TASP1: variants seen among roughly 807,000 people sequenced by gnomAD.
The protein encoded by TASP1 is threonine aspartase 1.
A neutral mutation model predicts 56.6 loss-of-function variants in TASP1; 16 were observed. The ratio of observed to expected loss-of-function variants is 0.28; its 90% CI spans 0.19 to 0.43. TASP1 has a LOEUF of 0.43. Among genes scored for constraint, TASP1 ranks in the 20% least tolerant of loss-of-function variants. The probability of loss-of-function intolerance (pLI) is 1.00; values close to 1 mark genes in which losing one functional copy is unlikely to be tolerated. For synonymous variants in TASP1, 179 were observed against 184.2 expected (o/e 0.97, Z 0.23); for missense variants, 393 against 511.6 (o/e 0.77, Z 2.24).
chr20:13,178,455 G>A, the TASP1 span, among the ~76,000 whole-genome samples: 1 of 152,178 alleles, frequency 6.6e-6, no homozygotes, highest in South Asian at 2.1e-4. Flanking sequence ...GCACTCCCAT[G>A]TTTATTTCAG....
chr20:13,176,239 C>T, the TASP1 span, among the ~76,000 whole-genome samples: 58 of 152,136 alleles, frequency 3.8e-4, no homozygotes, highest in African/African-American at 1.4e-3. Context: ...CCCTTTATTT[C>T]TTTCTCTGGC....
the TASP1 span, among the ~76,000 whole-genome samples, chr20:13,294,701 T>C: frequency 6.6e-6 from 1 of 152,168 alleles, no homozygotes; most frequent in African/African-American, 2.4e-5. Flanking sequence ...ACTTTCATTC[T>C]CTCAATGACT....
intron 11 of TASP1, among the ~76,000 whole-genome samples, chr20:13,448,971 T>A (rs2043516346): frequency 6.6e-6 from 1 of 152,084 alleles, no homozygotes; most frequent in African/African-American, 2.4e-5. Context: ...ATTGGTATAT[T>A]TTTAGGTCAA....
the TASP1 span, chr20:13,153,871 C>T: frequency 1.7e-6 from 2 of 1,202,516 alleles, no homozygotes; most frequent in East Asian, 2.4e-5. Flanking sequence ...AGATATCTCC[C>T]TTCCCTACTT....
chr20:13,515,321 G>A (rs1441850677), intron 10 of TASP1, among the ~76,000 whole-genome samples: 1 of 151,960 alleles, frequency 6.6e-6, no homozygotes, highest in African/African-American at 2.4e-5. Context: ...AGCTTTAGAT[G>A]CACCAAAACA....
At chr20:13,473,165 G>C (rs901550069) in intron 11 of TASP1, among the ~76,000 whole-genome samples, 3 of 152,196 alleles carry the variant, frequency 2.0e-5, no homozygotes, top group African/African-American at 7.2e-5. Context: ...CCATAAAAAA[G>C]GATGAGTTCA....
At chr20:13,632,955 T>G (rs2049152966) in intron 1 of TASP1, among the ~76,000 whole-genome samples, 1 of 152,156 alleles carries the variant, frequency 6.6e-6, no homozygotes, top group South Asian at 2.1e-4. Context: ...TACACTTAAA[T>G]ACCATTTTTT....
At chr20:13,287,615 T>A in the TASP1 span, among the ~76,000 whole-genome samples, 1 of 152,228 alleles carries the variant, frequency 6.6e-6, no homozygotes, top group African/African-American at 2.4e-5. Context: ...GATGATTGTT[T>A]CTCTTTTCTC....
chr20:13,292,421 G>C, the TASP1 span: 3 of 1,606,956 alleles, frequency 1.9e-6, no homozygotes, highest in South Asian at 2.2e-5. Flanking sequence ...GAGTCTGCTT[G>C]CGGGAAGCGA....
chr20:13,466,423 T>C (rs2146386213), intron 11 of TASP1, among the ~76,000 whole-genome samples: 1 of 152,212 alleles, frequency 6.6e-6, no homozygotes, highest in Admixed American at 6.5e-5. Flanking sequence ...CTTACATAAA[T>C]CCAGTTATGT....
chr20:13,268,491 G>GTGCCAGGA, the TASP1 span, among the ~76,000 whole-genome samples: 2 of 151,942 alleles, frequency 1.3e-5, no homozygotes, highest in African/African-American at 4.8e-5. Flanking sequence ...CTACCAGGAT[G>GTGCCAGGA]TGCCAGGAGA....
the TASP1 span, among the ~76,000 whole-genome samples, chr20:13,188,901 C>G: frequency 6.6e-6 from 1 of 152,218 alleles, no homozygotes; most frequent in Non-Finnish European, 1.5e-5. Context: ...AATAGCTGAG[C>G]ATTGGCCAAT....
At chr20:13,428,776 C>G (rs1404984442) in intron 12 of TASP1, among the ~76,000 whole-genome samples, 1 of 151,796 alleles carries the variant, frequency 6.6e-6, no homozygotes, top group Non-Finnish European at 1.5e-5. Context: ...CCTCATTATC[C>G]AACATTTCCA....
chr20:13,353,897 T>G, the TASP1 span, among the ~76,000 whole-genome samples: 1 of 151,016 alleles, frequency 6.6e-6, no homozygotes, highest in African/African-American at 2.4e-5. Flanking sequence ...GAAACTAAAA[T>G]AAAGAAAGAG....
At chr20:13,635,962 A>C (rs73899353) in intron 1 of TASP1, among the ~76,000 whole-genome samples, 13,462 of 152,028 alleles carry the variant, frequency 0.089, 1,544 homozygotes, top group African/African-American at 0.27. Flanking sequence ...ACCACTTTGA[A>C]AACTACCACG....
intron 12 of TASP1, among the ~76,000 whole-genome samples, chr20:13,429,447 T>C (rs2042726563): frequency 6.6e-6 from 1 of 152,120 alleles, no homozygotes; most frequent in Non-Finnish European, 1.5e-5. Context: ...TCCATGAACA[T>C]ATACAATTAT....
intron 2 of TASP1, 78 bp downstream of exon 2, chr20:13,629,856 G>A: frequency 1.9e-6 from 3 of 1,590,272 alleles, no homozygotes; most frequent in Non-Finnish European, 1.7e-6. Flanking sequence ...AGTGTGAAAT[G>A]TGATTCTCAG....
chr20:13,423,657 C>T (rs1165727704), intron 12 of TASP1, among the ~76,000 whole-genome samples: 1 of 152,184 alleles, frequency 6.6e-6, no homozygotes, highest in Non-Finnish European at 1.5e-5. Context: ...ATCTTAGCAA[C>T]TGGCAGCAAC....
chr20:13,430,530 A>G (rs890533395), intron 12 of TASP1, among the ~76,000 whole-genome samples: 1 of 152,204 alleles, frequency 6.6e-6, no homozygotes. Flanking sequence ...GAGTGTCCTC[A>G]TGACATGGCA....
Sources: gnomAD v4.1 joint callset for allele counts (sites outside exome capture counted in the v4.1 genomes callset) on GRCh38, gnomAD v4.1.1 for gene constraint, MANE v1.5 for transcripts, NCBI Gene and HGNC (gene_info 2026-07-23, HGNC 2026-07-21) for gene names.